Variants in LOXL2 observed in about 807,000 individuals in gnomAD.
The protein encoded by LOXL2 is lysyl oxidase like 2, also known as lysyl oxidase homolog 2.
Under a neutral mutation model 93.0 loss-of-function variants are expected in LOXL2, and 70 were observed. That is an observed-to-expected ratio of 0.75 (90% CI 0.62 to 0.92). LOXL2 has a LOEUF of 0.92. LOXL2 is among the 40% of genes least tolerant of loss of function. LOXL2 has a pLI of 0.00. For synonymous variants in LOXL2, 438 were observed against 413.2 expected (o/e 1.06, Z -0.73); for missense variants, 973 against 1,054.9 (o/e 0.92, Z 1.08).
intron 1 of LOXL2, among the ~76,000 whole-genome samples, chr8:23,387,961 C>A (rs920852197): frequency 1.3e-5 from 2 of 151,972 alleles, no homozygotes; most frequent in African/African-American, 4.8e-5. Context: ...AACAAACAAA[C>A]AAAAAAACTT....
At chr8:23,310,655 G>C (rs1803308165) in intron 9 of LOXL2, among the ~76,000 whole-genome samples, 1 of 152,206 alleles carries the variant, frequency 6.6e-6, no homozygotes, top group South Asian at 2.1e-4. Context: ...CTCTGTAAGT[G>C]AAAGTGCTAG....
At chr8:23,311,488 C>G (rs548198808) in intron 9 of LOXL2, among the ~76,000 whole-genome samples, 2 of 152,364 alleles carry the variant, frequency 1.3e-5, no homozygotes, top group South Asian at 4.1e-4. Flanking sequence ...GACAGCCCCT[C>G]TGAATACCTC....
At chr8:23,349,574 T>C (rs1468067088) in intron 3 of LOXL2, among the ~76,000 whole-genome samples, 3 of 150,626 alleles carry the variant, frequency 2.0e-5, no homozygotes, top group Non-Finnish European at 4.4e-5. Flanking sequence ...AAATAGGACG[T>C]CCACACGTTT....
At chr8:23,322,870 A>G (rs1399647656) in intron 6 of LOXL2, among the ~76,000 whole-genome samples, 1 of 152,206 alleles carries the variant, frequency 6.6e-6, no homozygotes, top group Non-Finnish European at 1.5e-5. Context: ...AAAGATGGGT[A>G]AGGCAGGCCC....
At chr8:23,352,892 GAT>G (rs1804117472) in intron 3 of LOXL2, among the ~76,000 whole-genome samples, 1 of 151,674 alleles carries the variant, frequency 6.6e-6, no homozygotes, top group African/African-American at 2.4e-5. Context: ...TCACTCAGGG[GAT>G]AGGCAGCACC....
At chr8:23,304,551 C>A (rs1359226639) in intron 10 of LOXL2, among the ~76,000 whole-genome samples, 1 of 152,076 alleles carries the variant, frequency 6.6e-6, no homozygotes, top group Admixed American at 6.6e-5. Context: ...AGCAGAGTCC[C>A]CTGTTTTGTT....
intron 1 of LOXL2, among the ~76,000 whole-genome samples, chr8:23,372,509 C>T (rs1422533419): frequency 6.6e-6 from 1 of 152,142 alleles, no homozygotes; most frequent in Non-Finnish European, 1.5e-5. Context: ...TGAGCCACCA[C>T]GCCCAGCCCA....
At chr8:23,377,560 T>C (rs1412228292) in intron 1 of LOXL2, among the ~76,000 whole-genome samples, 2 of 150,292 alleles carry the variant, frequency 1.3e-5, no homozygotes, top group African/African-American at 4.9e-5. Flanking sequence ...CCCATTATTA[T>C]TGTGTGGGAG....
At chr8:23,341,959 G>A in intron 3 of LOXL2, among the ~76,000 whole-genome samples, 1 of 152,196 alleles carries the variant, frequency 6.6e-6, no homozygotes, top group East Asian at 1.9e-4. Flanking sequence ...GAGCCCCTTA[G>A]AGGGTTCCCT....
At chr8:23,395,317 C>CCA (rs1166435000) in intron 1 of LOXL2, among the ~76,000 whole-genome samples, 1 of 82,056 alleles carries the variant, frequency 1.2e-5, no homozygotes, top group African/African-American at 4.4e-5. Context: ...AAAGCCAGAC[C>CCA]AAAAAAAAAA....
intron 8 of LOXL2, 69 bp downstream of exon 8, chr8:23,319,816 G>GT: frequency 6.6e-7 from 1 of 1,512,662 alleles, no homozygotes; most frequent in Non-Finnish European, 9.0e-7. Context: ...GGAGAGGGGG[G>GT]CTGACTGAAG....
intron 2 of LOXL2, among the ~76,000 whole-genome samples, chr8:23,360,828 G>T (rs1036572305): frequency 1.6e-4 from 24 of 152,300 alleles, no homozygotes; most frequent in African/African-American, 5.8e-4. Flanking sequence ...CCATAGCAGA[G>T]GCTGAACTTT....
At chr8:23,380,694 A>T (rs1804670076) in intron 1 of LOXL2, among the ~76,000 whole-genome samples, 1 of 152,116 alleles carries the variant, frequency 6.6e-6, no homozygotes, top group Non-Finnish European at 1.5e-5. Context: ...GTGAAAAAAA[A>T]TCTGGAAAAC....
At chr8:23,303,638 G>A (rs1360333987) in intron 10 of LOXL2, among the ~76,000 whole-genome samples, 3 of 152,180 alleles carry the variant, frequency 2.0e-5, no homozygotes, top group Non-Finnish European at 2.9e-5. Flanking sequence ...TCTGCTGAAT[G>A]GGAATGATCA....
At chr8:23,370,970 C>T (rs1804484100) in intron 1 of LOXL2, 1 of 152,206 alleles carries the variant, frequency 6.6e-6, no homozygotes, top group African/African-American at 2.4e-5. Flanking sequence ...CAAGCCCACA[C>T]AGTATAGTTT....
chr8:23,298,344 T>C (rs1443090721), intron 13 of LOXL2, among the ~76,000 whole-genome samples: 1 of 152,238 alleles, frequency 6.6e-6, no homozygotes, highest in African/African-American at 2.4e-5. Flanking sequence ...CCTTTAATTT[T>C]AACCTTTTGC....
chr8:23,348,567 GAAACA>G (rs920932253), intron 3 of LOXL2, among the ~76,000 whole-genome samples: 67 of 151,884 alleles, frequency 4.4e-4, no homozygotes, highest in African/African-American at 1.3e-3. Flanking sequence ...GATCTTCTAA[GAAACA>G]AAACAAAACA....
At chr8:23,303,178 T>C in intron 11 of LOXL2, 104 bp downstream of exon 11, 1 of 758,278 alleles carries the variant, frequency 1.3e-6, no homozygotes, top group Non-Finnish European at 2.4e-6. Flanking sequence ...GTGGTCAGAG[T>C]GACACAGGGT....
chr8:23,401,784 A>T (rs1454404234), intron 1 of LOXL2, among the ~76,000 whole-genome samples: 1 of 152,250 alleles, frequency 6.6e-6, no homozygotes, highest in African/African-American at 2.4e-5. Flanking sequence ...ACTTGGGAAG[A>T]GGCCAGGAGA....
Sources: gnomAD v4.1 joint callset for allele counts (sites outside exome capture counted in the v4.1 genomes callset) on GRCh38, gnomAD v4.1.1 for gene constraint, MANE v1.5 for transcripts, NCBI Gene and HGNC (gene_info 2026-07-23, HGNC 2026-07-21) for gene names.